Variants in ARMC3 observed in about 807,000 individuals in gnomAD.
ARMC3 encodes the protein armadillo repeat-containing protein 3.
A neutral mutation model predicts 90.3 loss-of-function variants in ARMC3; 74 were observed. The ratio of observed to expected loss-of-function variants is 0.82; its 90% CI spans 0.68 to 0.99. The LOEUF is 0.99. Ranked by LOEUF, ARMC3 falls within the 50% of genes least tolerant of loss-of-function variation. The pLI, the probability that ARMC3 is intolerant of heterozygous loss-of-function variation, is 0.00. For missense variants in ARMC3, 958 were observed against 1,042.8 expected (o/e 0.92, Z 1.12); for synonymous variants, 334 against 361.8 (o/e 0.92, Z 0.87).
chr10:23,010,304 C>G (rs1021646171), intron 16 of ARMC3, among the ~76,000 whole-genome samples: 4 of 141,026 alleles, frequency 2.8e-5, no homozygotes, highest in Non-Finnish European at 4.6e-5. Context: ...CCCTTCCCTT[C>G]TCTCTCCCCT....
chr10:23,033,078 C>A, intron 18 of ARMC3, 55 bp downstream of exon 18: 2 of 1,563,090 alleles, frequency 1.3e-6, no homozygotes, highest in Non-Finnish European at 1.7e-6. Flanking sequence ...TTGTCTTTAT[C>A]ATACTGGAGT....
chr10:22,977,405 G>C (rs1302645949), intron 8 of ARMC3, among the ~76,000 whole-genome samples: 1 of 152,062 alleles, frequency 6.6e-6, no homozygotes, highest in African/African-American at 2.4e-5. Flanking sequence ...GCCCTCATTG[G>C]AATACCAAGC....
chr10:22,936,710 TTATAGC>T (rs1246217373), intron 2 of ARMC3, among the ~76,000 whole-genome samples: 8 of 152,174 alleles, frequency 5.3e-5, no homozygotes, highest in Non-Finnish European at 8.8e-5. Context: ...TGGCACTCTG[TTATAGC>T]TATCATTTAT....
intron 16 of ARMC3, among the ~76,000 whole-genome samples, chr10:23,015,290 G>A (rs185124550): frequency 6.6e-6 from 1 of 152,194 alleles, no homozygotes; most frequent in African/African-American, 2.4e-5. Flanking sequence ...CCCCTTAATG[G>A]CAAAACACTC....
chr10:22,977,797 C>T (rs563543708), intron 8 of ARMC3, among the ~76,000 whole-genome samples: 8 of 152,286 alleles, frequency 5.3e-5, no homozygotes, highest in East Asian at 1.9e-4. Context: ...GATGATTCCA[C>T]GAAGATTCAA....
At chr10:22,931,593 A>C (rs1034566956) in intron 1 of ARMC3, among the ~76,000 whole-genome samples, 1 of 152,224 alleles carries the variant, frequency 6.6e-6, no homozygotes, top group Non-Finnish European at 1.5e-5. Context: ...AGATCAGTGC[A>C]AGAAAATAGA....
intron 8 of ARMC3, among the ~76,000 whole-genome samples, chr10:22,976,163 C>T (rs1461681248): frequency 6.6e-6 from 1 of 152,152 alleles, no homozygotes; most frequent in Non-Finnish European, 1.5e-5. Context: ...CTAAGAGGCC[C>T]TTCATTGTCT....
Position 23,033,045 on chromosome 10 carries a change from A to C in ARMC3, c.2409+22A>C, listed in dbSNP as rs375487805. ...CAAGGTGTGTAAGGTATTTTGCCTC[A>C]TTTGCCATTAAGTAAAAATGCTTTG... On this transcript the variant is annotated intron_variant, in intron 18 of 18. Coordinates refer to ENST00000298032, the MANE Select transcript of ARMC3 (RefSeq NM_173081.5). 18 of 1,607,276 alleles carry C rather than the reference A, an allele frequency of 1.1e-5. No individual in the cohort carries two copies. The East Asian group carries it at 1.8e-4, about 16-fold the overall frequency.
chr10:23,026,418 T>A (rs1043862062), intron 16 of ARMC3, among the ~76,000 whole-genome samples: 13 of 152,110 alleles, frequency 8.5e-5, no homozygotes, highest in Non-Finnish European at 1.8e-4. Context: ...ATCCTAGGAA[T>A]GCAAGCCTGT....
chr10:22,998,117 A>C, intron 10 of ARMC3, 31 bp from the exon 11 acceptor site: 1 of 1,604,168 alleles, frequency 6.2e-7, no homozygotes, highest in Non-Finnish European at 8.5e-7. Flanking sequence ...AATTCAGATG[A>C]ATCACATTCA....
At chr10:22,985,745 T>A (rs919504920) in intron 10 of ARMC3, among the ~76,000 whole-genome samples, 2 of 152,242 alleles carry the variant, frequency 1.3e-5, no homozygotes, top group African/African-American at 2.4e-5. Flanking sequence ...TGAATCCTTT[T>A]ACTTACAAAT....
intron 14 of ARMC3, 66 bp downstream of exon 14, chr10:23,007,047 C>A: frequency 7.6e-7 from 1 of 1,318,844 alleles, no homozygotes; most frequent in Non-Finnish European, 1.0e-6. Flanking sequence ...GTTTCTCCAC[C>A]AACGTGTGAA....
In ARMC3 at chr10:23,006,822, A is replaced by G; in HGVS notation, c.1732-62A>G. 2 of 1,341,034 alleles carry G rather than the reference A, an allele frequency of 1.5e-6. 1 individual carries two copies. Among genetic ancestry groups the G allele is most frequent in the South Asian group, 2.3e-5 (2 of 85,234 alleles). 83.1% of individuals were successfully genotyped at this position (1,341,034 alleles called of 1,614,324 possible). On this transcript the variant is annotated intron_variant, in intron 13 of 18. Coordinates refer to ENST00000298032, the MANE Select transcript of ARMC3 (RefSeq NM_173081.5). ...ACAGCTGAGAATATATTCTATCTGTATTCATTTTCGAAAATATGACCCCTG... is the reference window on the plus strand; with the variant it reads ...ACAGCTGAGAATATATTCTATCTGTGTTCATTTTCGAAAATATGACCCCTG...
rs779136760 is a variant in ARMC3, at chr10:23,037,272, T to C, written c.2412T>C (p.Ala804=). 1.3e-6 allele frequency: 2 copies of C among 1,587,016 alleles called. No individual in the cohort carries two copies. Among genetic ancestry groups the C allele is most frequent in the African/African-American group, 1.3e-5 (1 of 74,696 alleles). Residue 804 remains alanine, a splice_region_variant and synonymous_variant, in exon 19 of 19, where the codon GCT becomes GCC. Coordinates refer to ENST00000298032, the MANE Select transcript of ARMC3 (RefSeq NM_173081.5). ...TGATCTCTTGTTTTCTCCTGCAGGC[T>C]CTGGCTGATAGAATTGGCATTGGTT... ...IFYHRALLFK[A]LADRIGIGCS...
chr10:22,959,050 C>T lies in ARMC3; in HGVS notation c.293-20C>T, dbSNP rs2131248494. On this transcript the variant is annotated intron_variant, in intron 4 of 18. Transcript: ENST00000298032. ...TTATTATTATTAATAAACATCAATA[C>T]TCTGTTTCTTCCTTTGTAGATGATG... 6.4e-7 allele frequency: 1 copy of T among 1,556,576 alleles called. No homozygotes were observed. The highest frequency in any genetic ancestry group is 2.2e-5 in the East Asian group (1 of 44,604).
Position 23,010,093 on chromosome 10 carries a change from T to C in ARMC3, c.2045+1162T>C, listed in dbSNP as rs570830868. 1.3e-4 allele frequency among the ~76,000 whole-genome samples: 20 copies of C among 152,048 alleles called. No individual in the cohort carries two copies. In the South Asian group the frequency reaches 4.2e-3, roughly 32 times the overall value. The stretch of plus-strand genomic sequence containing the variant: ...CTCATCACTGCTACTCATCCATCCC[T>C]GTGGTTCCAGTCCCATAGCTTCTGC... On this transcript the variant is annotated intron_variant, in intron 16 of 18. Coordinates refer to ENST00000298032, the MANE Select transcript of ARMC3 (RefSeq NM_173081.5).
At chr10:22,931,180 G>T (rs1833916537) in intron 1 of ARMC3, among the ~76,000 whole-genome samples, 1 of 152,098 alleles carries the variant, frequency 6.6e-6, no homozygotes, top group Admixed American at 6.5e-5. Flanking sequence ...GCCCACCTCG[G>T]CCTCCCAAAG....
At chr10:22,929,843 G>T (rs1032077954) in intron 1 of ARMC3, among the ~76,000 whole-genome samples, 6 of 152,070 alleles carry the variant, frequency 3.9e-5, no homozygotes, top group African/African-American at 1.4e-4. Context: ...GAGCCACCAC[G>T]CCGGGCCATG....
intron 18 of ARMC3, among the ~76,000 whole-genome samples, chr10:23,034,082 A>G (rs758173466): frequency 6.6e-6 from 1 of 152,128 alleles, no homozygotes; most frequent in African/African-American, 2.4e-5. Context: ...TCCAGTTCCA[A>G]GCGAATTCTA....
Sources: gnomAD v4.1 joint callset for allele counts (sites outside exome capture counted in the v4.1 genomes callset) on GRCh38, gnomAD v4.1.1 for gene constraint, MANE v1.5 for transcripts, NCBI Gene and HGNC (gene_info 2026-07-23, HGNC 2026-07-21) for gene names.